TUBG1: variants seen among roughly 807,000 people sequenced by gnomAD.
TUBG1 encodes tubulin gamma 1.
TUBG1 carries 22 observed loss-of-function variants against 53.3 expected under a neutral mutation model. The observed-to-expected ratio is 0.41, with a 90% confidence interval of 0.29 to 0.59. TUBG1 has a LOEUF of 0.59. TUBG1 is among the 20% of genes least tolerant of loss of function. TUBG1 has a pLI of 0.26. For synonymous variants in TUBG1, 198 were observed against 236.7 expected, an observed-to-expected ratio of 0.84 and a Z score of 1.50; for missense variants, 217 against 598.9, an observed-to-expected ratio of 0.36 and a Z score of 6.66.
intron 5 of TUBG1, 71 bp from the exon 6 acceptor site, chr17:42,612,876 A>T: frequency 6.3e-7 from 1 of 1,590,586 alleles, no homozygotes; most frequent in Non-Finnish European, 8.6e-7. Context: ...GCTTCTGGAC[A>T]GTTGTTAGGG....
rs1420088738 is a variant in TUBG1, at chr17:42,610,146, G to A, written c.88G>A (p.Gly30Ser). Residue 30 changes from glycine to serine, a missense_variant, in exon 2 of 11, where the codon GGT becomes AGT. Physicochemically the swap from Gly to Ser is moderately conservative, Grantham distance 56. This residue lies in a region of TUBG1 where 57 missense variants were observed against 169.3 expected (regional missense o/e 0.34). Transcript: ENST00000251413. ...CTGGAAACAGCTGTGCGCCGAGCAT[G>A]GTATCAGCCCCGAGGGCATCGTGGA... ...EFWKQLCAEH[G>S]ISPEGIVEEF... The A allele has an allele frequency of 2.5e-6, 4 of 1,614,270 alleles. No homozygotes were observed. Among genetic ancestry groups the A allele is most frequent in the Non-Finnish European group, 3.4e-6 (4 of 1,180,038 alleles).
Position 42,613,704 on chromosome 17 carries a change from A to T in TUBG1, c.664A>T (p.Asn222Tyr). ...TGCCACAGACCGCCTGCACATCCAG[A>T]ACCCATCCTTCTCCCAGATCAACCA... ...RIATDRLHIQ[N>Y]PSFSQINQLV... Residue 222 changes from asparagine to tyrosine, a missense_variant, in exon 7 of 11, where the codon AAC becomes TAC. By Grantham distance (143) the Asn-to-Tyr change is moderately radical. Coordinates refer to ENST00000251413, the MANE Select transcript of TUBG1 (RefSeq NM_001070.5). The T allele has an allele frequency of 6.2e-7, 1 of 1,614,010 alleles. No individual in the cohort carries two copies. The highest frequency in any genetic ancestry group is 8.5e-7 in the Non-Finnish European group (1 of 1,179,994).
intron 2 of TUBG1, 80 bp downstream of exon 2, chr17:42,610,300 C>A (rs970262887): frequency 1.1e-5 from 18 of 1,601,106 alleles, no homozygotes; most frequent in Non-Finnish European, 1.4e-5. Flanking sequence ...CTGGGAACCC[C>A]GCTGGGCAGT....
chr17:42,614,756 G>A lies in TUBG1; in HGVS notation c.1159-88G>A, dbSNP rs2052063673. On this transcript the variant is annotated intron_variant, in intron 10 of 10. Transcript: ENST00000251413. This position sits in a 1 kb window ranked among gnomAD's most constrained non-coding sequence, Gnocchi z 5.1. ...GCCCTGCTTCTAGCTTTTTTGCTGT[G>A]GGCATAGCCCAGCCTTGGTTCCCCA... The A allele has an allele frequency of 6.2e-6, 10 of 1,605,240 alleles. No individual in the cohort carries two copies. Among genetic ancestry groups the A allele is most frequent in the Admixed American group, 5.1e-5 (3 of 58,918 alleles).
At chr17:42,613,558 A>G in intron 6 of TUBG1, 89 bp from the exon 7 acceptor site, 3 of 1,598,338 alleles carry the variant, frequency 1.9e-6, no homozygotes, top group Admixed American at 1.7e-5. Context: ...CATGAAGCTC[A>G]AAGGAAATTA....
chr17:42,615,111 C>T lies in TUBG1; in HGVS notation c.*70C>T. 6.6e-7 allele frequency: 1 copy of T among 1,511,068 alleles called. No individual in the cohort carries two copies. The highest frequency in any genetic ancestry group is 9.1e-7 in the Non-Finnish European group (1 of 1,094,424). The allele number at this position is 1,511,068 out of a possible 1,614,324, so 93.6% of individuals were successfully genotyped here. Reference sequence around the variant, plus strand: ...AGCCCTGCCTGACTGACCACCCCCTCAGAGCACAGATCAGGGACCTCACGC... The same window carrying T: ...AGCCCTGCCTGACTGACCACCCCCTTAGAGCACAGATCAGGGACCTCACGC... On this transcript the variant is annotated 3_prime_UTR_variant, in exon 11 of 11. Coordinates refer to ENST00000251413, the MANE Select transcript of TUBG1 (RefSeq NM_001070.5).
rs932781500 is a variant in TUBG1, at chr17:42,615,137, A to T, written c.*96A>T. The T allele has an allele frequency of 3.3e-6, 4 of 1,214,386 alleles. No individual in the cohort carries two copies. The highest frequency in any genetic ancestry group is 4.7e-6 in the Non-Finnish European group (4 of 849,600). 75.2% of individuals were successfully genotyped at this position (1,214,386 alleles called of 1,614,324 possible). A position where few individuals can be genotyped will look rare whatever the true frequency, so the allele number is the denominator to read the frequency against. ...AGAGCACAGATCAGGGACCTCACGC[A>T]TCTCTTTCTCATATACATGGACTCT... On this transcript the variant is annotated 3_prime_UTR_variant, in exon 11 of 11. Coordinates refer to ENST00000251413, the MANE Select transcript of TUBG1 (RefSeq NM_001070.5).
intron 4 of TUBG1, 48 bp downstream of exon 4, chr17:42,612,191 G>T (rs2052041633): frequency 6.9e-6 from 11 of 1,597,854 alleles, no homozygotes; most frequent in East Asian, 2.2e-5. Flanking sequence ...GCAAGGCTTG[G>T]CAGCACCCTC....
chr17:42,609,688 G>A lies in TUBG1; in HGVS notation c.-50G>A. On this transcript the variant is annotated 5_prime_UTR_variant, in exon 1 of 11. Coordinates refer to ENST00000251413, the MANE Select transcript of TUBG1 (RefSeq NM_001070.5). ...CGTCTTGCGGCGAGCGGGCTGGCGTGCGGCGCCGTTGCGGGCGGGAGCGGC... is the reference window on the plus strand; with the variant it reads ...CGTCTTGCGGCGAGCGGGCTGGCGTACGGCGCCGTTGCGGGCGGGAGCGGC... 3 of 1,531,052 alleles carry A rather than the reference G, an allele frequency of 2.0e-6. No individual in the cohort carries two copies. Among genetic ancestry groups the A allele is most frequent in the Non-Finnish European group, 2.6e-6 (3 of 1,138,142 alleles). 94.8% of individuals were successfully genotyped at this position (1,531,052 alleles called of 1,614,324 possible). A position where few individuals can be genotyped will look rare whatever the true frequency, so the allele number is the denominator to read the frequency against.
In TUBG1 at chr17:42,609,761, A is replaced by G; in HGVS notation, c.24A>G (p.Leu8=). 1 of 1,551,496 alleles carries G rather than the reference A, an allele frequency of 6.4e-7. No individual in the cohort carries two copies. The change falls in exon 1 of 11, where the codon CTA becomes CTG. Residue 8 remains leucine (L), a synonymous_variant. Coordinates refer to ENST00000251413, the MANE Select transcript of TUBG1 (RefSeq NM_001070.5). MPREIIT[L]QLGQCGNQIG... is the part of the protein sequence containing the mutation. ...CGATGCCGAGGGAAATCATCACCCTACAGTTGGGCCAGTGCGGCAATCAGA... is the reference window on the plus strand; with the variant it reads ...CGATGCCGAGGGAAATCATCACCCTGCAGTTGGGCCAGTGCGGCAATCAGA...
intron 7 of TUBG1, 45 bp from the exon 8 acceptor site, chr17:42,613,804 G>T (rs771666401): frequency 6.2e-5 from 100 of 1,613,930 alleles, no homozygotes; most frequent in Non-Finnish European, 8.1e-5. Flanking sequence ...GGGAAGGGAG[G>T]TCCCACCCAG....
At position 42,612,092 on chromosome 17, in the gene TUBG1, G is replaced by A; in HGVS notation, c.348G>A (p.Glu116=). 1 of 1,614,086 alleles carries A rather than the reference G, an allele frequency of 6.2e-7. No individual in the cohort carries two copies. The highest frequency in any genetic ancestry group is 8.5e-7 in the Non-Finnish European group (1 of 1,179,984). Residue 116 remains glutamate (E), a synonymous_variant, in exon 4 of 11, where the codon GAG becomes GAA. Transcript: ENST00000251413. ...SGFSQGEKIH[E]DIFDIIDREA... ...CTGTACAGGGAGAAAAGATCCATGA[G>A]GACATTTTTGACATCATAGACCGGG...
rs763324174 is a variant in TUBG1, at chr17:42,610,095, C to T, written c.50-13C>T. Reference sequence around the variant, plus strand: ...GATATCTTCTTTCTCCCCTGCCCGCCCCTTCCCCCCAGTTGGGTTCGAGTT... The same window carrying T: ...GATATCTTCTTTCTCCCCTGCCCGCTCCTTCCCCCCAGTTGGGTTCGAGTT... On this transcript the variant is annotated splice_polypyrimidine_tract_variant and intron_variant, in intron 1 of 10. Coordinates refer to ENST00000251413, the MANE Select transcript of TUBG1 (RefSeq NM_001070.5). The T allele has an allele frequency of 5.6e-6, 9 of 1,613,950 alleles. No individual in the cohort carries two copies. Among genetic ancestry groups the T allele is most frequent in the Non-Finnish European group, 7.6e-6 (9 of 1,179,946 alleles).
intron 5 of TUBG1, among the ~76,000 whole-genome samples, 174 bp from the exon 6 acceptor site, chr17:42,612,772 GC>G (rs1053742715): frequency 1.2e-4 from 18 of 152,038 alleles, no homozygotes; most frequent in African/African-American, 4.1e-4. Flanking sequence ...AGATGTCTCT[GC>G]CCTTCCCCCT....
At chr17:42,612,334 G>A (rs759327288) in intron 4 of TUBG1, 93 bp from the exon 5 acceptor site, 10 of 1,457,184 alleles carry the variant, frequency 6.9e-6, no homozygotes, top group Non-Finnish European at 9.5e-6. Context: ...GCAAGGGCTC[G>A]GGAAAATGGG....
intron 3 of TUBG1, chr17:42,610,930 C>A (rs1047649484): frequency 1.5e-4 from 37 of 248,848 alleles, no homozygotes; most frequent in Non-Finnish European, 2.7e-4. Context: ...AAACAAATTT[C>A]AATGAAGACA....
intron 3 of TUBG1, 119 bp from the exon 4 acceptor site, chr17:42,611,956 G>A (rs1265919908): frequency 1.3e-5 from 11 of 818,360 alleles, no homozygotes; most frequent in Non-Finnish European, 2.2e-5. Flanking sequence ...ATAAAAGCAG[G>A]TAGCTATGCT....
intron 3 of TUBG1, 94 bp from the exon 4 acceptor site, chr17:42,611,981 C>T (rs1247634195): frequency 2.7e-6 from 3 of 1,124,750 alleles, no homozygotes; most frequent in Non-Finnish European, 4.0e-6. Context: ...AAAAGGACTT[C>T]TGGGTGTTAT....
chr17:42,615,026 C>T lies in TUBG1; in HGVS notation c.1341C>T (p.Gly447=), dbSNP rs1286403596. 6.2e-7 allele frequency: 1 copy of T among 1,614,096 alleles called. No individual in the cohort carries two copies. Among genetic ancestry groups the T allele is most frequent in the Non-Finnish European group, 8.5e-7 (1 of 1,179,978 alleles). The part of the protein sequence containing the change: ...AATRPDYISW[G]TQEQ ...CACGGCCAGACTACATCTCCTGGGG[C>T]ACCCAGGAGCAGTGAGTCCCCCAGG... The change falls in exon 11 of 11, where the codon GGC becomes GGT. Residue 447 remains glycine (G), a synonymous_variant. Transcript: ENST00000251413.
Sources: gnomAD v4.1 joint callset for allele counts (sites outside exome capture counted in the v4.1 genomes callset) on GRCh38, gnomAD v4.1.1 for gene constraint, gnomAD v4.1.1 regional missense constraint, Gnocchi (gnomAD v3.1) non-coding constraint, MANE v1.5 for transcripts, NCBI Gene and HGNC (gene_info 2026-07-23, HGNC 2026-07-21) for gene names.